GSE1: variants seen among roughly 807,000 people sequenced by gnomAD.
The protein encoded by GSE1 is Gse1 coiled-coil protein.
In GSE1, 32 loss-of-function variants were observed where a neutral mutation model predicts 112.6. The ratio of observed to expected loss-of-function variants is 0.28; its 90% CI spans 0.21 to 0.38. The LOEUF (loss-of-function observed/expected upper bound fraction) is 0.38, where lower values mean the gene tolerates loss of function less well. Ranked by LOEUF, GSE1 falls within the 10% of genes least tolerant of loss-of-function variation. The pLI, the probability that GSE1 is intolerant of heterozygous loss-of-function variation, is 1.00. For missense variants in GSE1, 2,348 were observed against 1,699.2 expected (o/e 1.38, Z -6.71); for synonymous variants, 1,115 against 735.6 (o/e 1.52, Z -8.35).
intron 1 of GSE1, among the ~76,000 whole-genome samples, chr16:85,587,060 CCT>C (rs2046733445): frequency 1.3e-5 from 2 of 152,056 alleles, no homozygotes; most frequent in African/African-American, 4.8e-5. Context: ...GGTGGGGGCA[CCT>C]CCATCTCTTG....
chr16:85,638,037 C>T (rs1336423112), intron 2 of GSE1, among the ~76,000 whole-genome samples: 1 of 152,216 alleles, frequency 6.6e-6, no homozygotes, highest in African/African-American at 2.4e-5. Flanking sequence ...GCGGCCCCTC[C>T]TCTGGGTGCC....
upstream of GSE1, chr16:85,554,940 C>G: frequency 1.0e-6 from 1 of 985,336 alleles, no homozygotes; most frequent in Non-Finnish European, 1.2e-6. Flanking sequence ...CGGCACCCTC[C>G]CCGGGTTTGG....
At chr16:85,218,888 CT>C (rs919421097) in intron 1 of GSE1, among the ~76,000 whole-genome samples, 112 of 151,628 alleles carry the variant, frequency 7.4e-4, no homozygotes, top group African/African-American at 2.5e-3. Flanking sequence ...GCGGATTTTT[CT>C]TTTTTTTTGA....
chr16:85,275,324 G>A (rs1299327145), intron 1 of GSE1, among the ~76,000 whole-genome samples: 1 of 152,220 alleles, frequency 6.6e-6, no homozygotes, highest in Non-Finnish European at 1.5e-5. Flanking sequence ...AAGCTGGGCA[G>A]AGGGCAGGCA....
intron 2 of GSE1, among the ~76,000 whole-genome samples, chr16:85,545,117 A>G (rs1475940339): frequency 2.6e-5 from 4 of 152,230 alleles, no homozygotes; most frequent in African/African-American, 9.6e-5. Flanking sequence ...TCCCTCCAAA[A>G]GTGGCCCGTC....
intron 1 of GSE1, among the ~76,000 whole-genome samples, chr16:85,304,020 C>T (rs904923226): frequency 1.3e-5 from 2 of 152,190 alleles, no homozygotes; most frequent in Admixed American, 6.5e-5. Flanking sequence ...GTTCCAGAAG[C>T]GAGGCCCAGA....
chr16:85,632,365 C>T (rs115426474), intron 1 of GSE1, among the ~76,000 whole-genome samples: 1,994 of 152,268 alleles, frequency 0.013, 46 homozygotes, highest in African/African-American at 0.045. Context: ...GCAGCCCCCT[C>T]TCTCAGGCAG....
At chr16:85,486,962 G>A (rs908457385) in intron 2 of GSE1, among the ~76,000 whole-genome samples, 1 of 152,150 alleles carries the variant, frequency 6.6e-6, no homozygotes, top group Non-Finnish European at 1.5e-5. Flanking sequence ...GCCTAGCCCT[G>A]TGCCCACCTC....
chr16:85,608,959 T>A (rs2047839576), upstream of GSE1, among the ~76,000 whole-genome samples: 1 of 152,198 alleles, frequency 6.6e-6, no homozygotes, highest in African/African-American at 2.4e-5. Context: ...CTGTGTGCTG[T>A]CCTGCTGAGC....
At chr16:85,667,752 C>T (rs573020291) in intron 13 of GSE1, among the ~76,000 whole-genome samples, 12 of 152,200 alleles carry the variant, frequency 7.9e-5, no homozygotes, top group South Asian at 2.1e-4. Flanking sequence ...CCAGCCACTC[C>T]GGAGGCTGAG....
At chr16:85,540,860 T>G (rs562771902) in intron 2 of GSE1, among the ~76,000 whole-genome samples, 1 of 152,208 alleles carries the variant, frequency 6.6e-6, no homozygotes, top group African/African-American at 2.4e-5. Context: ...TGAGCTGTGA[T>G]TGCACCACTG....
Position 85,673,354 on chromosome 16 carries a change from T to G in GSE1, c.*815T>G, listed in dbSNP as rs2053490787. The G allele has an allele frequency of 6.6e-6, 1 of 152,552 alleles. No homozygotes were observed. Among genetic ancestry groups the G allele is most frequent in the Non-Finnish European group, 1.5e-5 (1 of 68,036 alleles). The allele number at this position is 152,552 out of a possible 1,614,324, so 9.4% of individuals were successfully genotyped here. ...TATATATTAAAAAAAAAACAAAGTT[T>G]TGTATGTTTTTATTACTTTAACTAT... is the stretch of plus-strand genomic sequence containing the variant. On this transcript the variant is annotated 3_prime_UTR_variant, in exon 16 of 16. Transcript: ENST00000253458.
At chr16:85,607,414 G>A (rs892474926), upstream of GSE1, among the ~76,000 whole-genome samples, 60 of 152,242 alleles carry the variant, frequency 3.9e-4, no homozygotes, top group Non-Finnish European at 4.0e-4. Context: ...AGGGCTCGGC[G>A]GCGCTCACAA....
chr16:85,555,743 C>T (rs1371627527), upstream of GSE1: 1 of 980,116 alleles, frequency 1.0e-6, no homozygotes, highest in Non-Finnish European at 1.2e-6. Context: ...TCTTGACCCT[C>T]GCCCTTGACA....
chr16:85,620,326 C>T (rs889836937), intron 1 of GSE1, among the ~76,000 whole-genome samples: 2 of 152,190 alleles, frequency 1.3e-5, no homozygotes, highest in African/African-American at 4.8e-5. Flanking sequence ...CTGCTTCACC[C>T]AGTCTCGGGA....
intron 1 of GSE1, among the ~76,000 whole-genome samples, chr16:85,172,811 G>T (rs2074384082): frequency 6.6e-6 from 1 of 152,312 alleles, no homozygotes; most frequent in Non-Finnish European, 1.5e-5. Flanking sequence ...TCCTGATCCT[G>T]CCTCCCACCT....
intron 1 of GSE1, among the ~76,000 whole-genome samples, chr16:85,245,583 A>G (rs867146559): frequency 6.6e-6 from 1 of 152,140 alleles, no homozygotes; most frequent in African/African-American, 2.4e-5. Context: ...GATTTCTTGG[A>G]TATAAAGTTT....
At chr16:85,456,352 G>T (rs1469996640) in intron 2 of GSE1, among the ~76,000 whole-genome samples, 1 of 152,168 alleles carries the variant, frequency 6.6e-6, no homozygotes, top group African/African-American at 2.4e-5. Flanking sequence ...GAAGCGCTTG[G>T]AGGTGGGACC....
chr16:85,339,631 G>C (rs372085017), intron 1 of GSE1, among the ~76,000 whole-genome samples: 2 of 140,168 alleles, frequency 1.4e-5, no homozygotes, highest in African/African-American at 5.3e-5. Context: ...GAGGGGGGCA[G>C]AGAGAGGCGG....
Sources: gnomAD v4.1 joint callset for allele counts (sites outside exome capture counted in the v4.1 genomes callset) on GRCh38, gnomAD v4.1.1 for gene constraint, MANE v1.5 for transcripts, NCBI Gene and HGNC (gene_info 2026-07-23, HGNC 2026-07-21) for gene names.